The following COL4A3 variants were observed in gnomAD, a reference collection of about 807,000 sequenced individuals.
The protein encoded by COL4A3 is collagen type IV alpha 3 chain, also known as collagen alpha-3(IV) chain.
A neutral mutation model predicts 217.4 loss-of-function variants in COL4A3; 135 were observed. The ratio of observed to expected loss-of-function variants is 0.62; its 90% CI spans 0.54 to 0.72. The LOEUF is 0.72. COL4A3 is among the 30% of genes least tolerant of loss of function. The probability of loss-of-function intolerance (pLI) is 0.00; values close to 1 mark genes in which losing one functional copy is unlikely to be tolerated. For synonymous variants in COL4A3, 690 were observed against 736.3 expected (o/e 0.94, Z 1.02); for missense variants, 1,868 against 2,119.9 (o/e 0.88, Z 2.33).
At chr2:227,237,289 C>T (rs1473626706) in intron 1 of COL4A3, among the ~76,000 whole-genome samples, 2 of 152,156 alleles carry the variant, frequency 1.3e-5, no homozygotes, top group Admixed American at 1.3e-4. Context: ...ATCCTCTTCC[C>T]AGTCTTAAAC....
At chr2:227,212,034 C>G (rs1170015009) in intron 1 of COL4A3, among the ~76,000 whole-genome samples, 1 of 152,116 alleles carries the variant, frequency 6.6e-6, no homozygotes, top group Non-Finnish European at 1.5e-5. Flanking sequence ...TGAAGGCATA[C>G]CTGAGTTTGG....
rs188420057 is a variant in COL4A3, at chr2:227,285,230, G to C, written c.2881+885G>C. 1.3e-4 allele frequency among the ~76,000 whole-genome samples: 18 copies of C among 134,102 alleles called. No homozygotes were observed. The East Asian group carries it at 3.9e-3, about 29-fold the overall frequency. The allele number at this position is 134,102 out of a possible 152,430, so 88.0% of individuals were successfully genotyped here. On this transcript the variant is annotated intron_variant, in intron 34 of 51. Coordinates refer to ENST00000396578, the MANE Select transcript of COL4A3 (RefSeq NM_000091.5). The stretch of plus-strand genomic sequence containing the variant: ...GACTGTGTTCAACAAATATTTATAT[G>C]CATGGCACATGAGGATGTAACAAAC...
chr2:227,173,024 G>C (rs1381572444), intron 1 of COL4A3, among the ~76,000 whole-genome samples: 2 of 152,118 alleles, frequency 1.3e-5, no homozygotes, highest in East Asian at 1.9e-4. Context: ...GGAATTTAGA[G>C]GGACAGAAAC....
intron 1 of COL4A3, among the ~76,000 whole-genome samples, chr2:227,199,605 TC>T (rs1157071586): frequency 1.3e-5 from 2 of 152,132 alleles, no homozygotes; most frequent in East Asian, 3.9e-4. Context: ...TCAGGATTAA[TC>T]CCTTACTTTA....
intron 1 of COL4A3, among the ~76,000 whole-genome samples, chr2:227,213,167 G>A (rs1469466013): frequency 1.3e-5 from 2 of 152,186 alleles, no homozygotes; most frequent in Non-Finnish European, 2.9e-5. Context: ...TTCTTAGGAT[G>A]CCTTAAATAG....
intron 1 of COL4A3, among the ~76,000 whole-genome samples, chr2:227,230,050 C>CAAAAA (rs778888378): frequency 1.7e-4 from 12 of 68,902 alleles, no homozygotes; most frequent in Non-Finnish European, 3.4e-4. Context: ...GACTCCATCT[C>CAAAAA]AAAAAAAAAA....
intron 33 of COL4A3, 92 bp downstream of exon 33, chr2:227,283,948 A>G (rs1488664215): frequency 7.5e-6 from 9 of 1,205,306 alleles, no homozygotes; most frequent in African/African-American, 1.5e-5. Context: ...TTGGAGGGAA[A>G]AATAGTTCTG....
rs760579715 is a variant in COL4A3 at position 227,256,630 on chromosome 2, A to C, written c.987+234A>C. 4.3e-6 allele frequency: 3 copies of C among 698,924 alleles called. No homozygotes were observed. The Admixed American group carries it at 5.6e-5, about 13-fold the overall frequency. 43.3% of individuals were successfully genotyped at this position (698,924 alleles called of 1,614,324 possible). ...CTGTGTACTTGAAGCTGTCTGACTT[A>C]GGACCAGTGAGAGTGCAGCTTCCCA... On this transcript the variant is annotated intron_variant, in intron 17 of 51. Transcript: ENST00000396578.
At chr2:227,209,621 C>T (rs1210338403) in intron 1 of COL4A3, among the ~76,000 whole-genome samples, 1 of 152,092 alleles carries the variant, frequency 6.6e-6, no homozygotes, top group African/African-American at 2.4e-5. Flanking sequence ...GGGTAGATCA[C>T]CTGAAATCAG....
rs1684111903 is a variant in COL4A3 at position 227,196,250 on chromosome 2, AC to A, written c.87+31440del. 2.0e-5 allele frequency among the ~76,000 whole-genome samples: 3 copies of A among 151,720 alleles called. No homozygotes were observed. The South Asian group carries it at 6.2e-4, about 32-fold the overall frequency. On this transcript the variant is annotated intron_variant, in intron 1 of 51. Coordinates refer to ENST00000396578, the MANE Select transcript of COL4A3 (RefSeq NM_000091.5). ...TCACTCACCACTCACTCACTGACTC[AC>A]CCATAGCAACTTCCAGTCCTGCAAG...
At chr2:227,243,197 G>A (rs1263179221) in intron 3 of COL4A3, among the ~76,000 whole-genome samples, 1 of 152,182 alleles carries the variant, frequency 6.6e-6, no homozygotes, top group East Asian at 1.9e-4. Context: ...TTACATGAGT[G>A]CAGGCATTCC....
chr2:227,290,233 C>T (rs1390715765), intron 36 of COL4A3, 145 bp downstream of exon 36: 4 of 761,902 alleles, frequency 5.3e-6, no homozygotes, highest in Non-Finnish European at 6.7e-6. Context: ...CACGGTGGCT[C>T]ATGCCTGTAA....
intron 43 of COL4A3, 84 bp from the exon 44 acceptor site, chr2:227,302,954 C>T (rs2073356614): frequency 2.4e-6 from 2 of 825,302 alleles, no homozygotes; most frequent in East Asian, 2.4e-5. Flanking sequence ...AATATTATAC[C>T]CTATTTGCAT....
intron 2 of COL4A3, among the ~76,000 whole-genome samples, chr2:227,239,269 T>A (rs910383233): frequency 1.3e-5 from 2 of 152,162 alleles, no homozygotes; most frequent in Non-Finnish European, 2.9e-5. Context: ...ATAACAACCA[T>A]TTGCAAAGCA....
At chr2:227,251,013 C>T in intron 9 of COL4A3, 127 bp from the exon 10 acceptor site, 2 of 758,508 alleles carry the variant, frequency 2.6e-6, no homozygotes, top group Admixed American at 4.0e-5. Flanking sequence ...TTAGCTGCAG[C>T]CACTGAAAGG....
rs990314192 is a variant in COL4A3, at chr2:227,180,162, G to A, written c.87+15349G>A. On this transcript the variant is annotated intron_variant, in intron 1 of 51. Coordinates refer to ENST00000396578, the MANE Select transcript of COL4A3 (RefSeq NM_000091.5). ...GCAGTGCTTCAAGGTTTACAGACAC[G>A]GACTAGATTCTTATTTTGCCATCTT... Among the ~76,000 whole-genome samples the A allele has an allele frequency of 3.3e-5, 5 of 152,058 alleles. No homozygotes were observed. In the South Asian group the frequency reaches 1.0e-3, roughly 32 times the overall value.
intron 38 of COL4A3, 24 bp downstream of exon 38, chr2:227,293,341 A>G (rs1446239238): frequency 1.2e-6 from 2 of 1,613,426 alleles, no homozygotes; most frequent in East Asian, 2.2e-5. Context: ...TTACAATTCT[A>G]AAAGCTGGAA....
rs1238595904 is a variant in COL4A3 at position 227,273,060 on chromosome 2, C to G, written c.1870C>G (p.Pro624Ala). The G allele has an allele frequency of 1.2e-6, 2 of 1,613,984 alleles. No individual in the cohort carries two copies. The highest frequency in any genetic ancestry group is 1.7e-6 in the Non-Finnish European group (2 of 1,180,028). Residue 624 changes from proline to alanine, a missense_variant, in exon 26 of 52, where the codon CCT becomes GCT. Pro to Ala is a conservative substitution (Grantham distance 27). Coordinates refer to ENST00000396578, the MANE Select transcript of COL4A3 (RefSeq NM_000091.5). ...ACCTGGCTACGGACCCCAAGGAGAA[C>G]CTGGTCTCCAGGGCACGCAAGGAGT... ...GPPGYGPQGE[P>A]GLQGTQGVPG...
At chr2:227,204,729 A>T (rs1050093599) in intron 1 of COL4A3, among the ~76,000 whole-genome samples, 2 of 152,222 alleles carry the variant, frequency 1.3e-5, no homozygotes, top group African/African-American at 4.8e-5. Flanking sequence ...TTAGCTCTTA[A>T]GCCGTTCATG....
Sources: allele counts gnomAD v4.1 joint callset (sites outside exome capture counted in the v4.1 genomes callset), GRCh38; gene constraint gnomAD v4.1.1; transcripts MANE v1.5; gene names NCBI Gene and HGNC (gene_info 2026-07-23, HGNC 2026-07-21).